BNIP3L: variants seen among roughly 807,000 people sequenced by gnomAD.
BNIP3L encodes BCL2/adenovirus E1B 19 kDa protein-interacting protein 3-like.
BNIP3L carries 10 observed loss-of-function variants against 25.5 expected under a neutral mutation model. The observed-to-expected ratio is 0.39, with a 90% confidence interval of 0.24 to 0.67. The LOEUF is 0.67. Among genes scored for constraint, BNIP3L ranks in the 30% least tolerant of loss-of-function variants. The pLI is 0.45. For synonymous variants in BNIP3L, 113 were observed against 101.2 expected, an observed-to-expected ratio of 1.12 and a Z score of -0.70; for missense variants, 215 against 270.9, an observed-to-expected ratio of 0.79 and a Z score of 1.45.
At position 26,405,250 on chromosome 8, in the gene BNIP3L, C is replaced by CT. The variant is rs1806473947; in HGVS notation, c.358-2749dup. Among the ~76,000 whole-genome samples, 6 of 152,294 alleles carry CT rather than the reference C, an allele frequency of 3.9e-5. No homozygotes were observed. In the South Asian group the frequency reaches 1.2e-3, roughly 32 times the overall value. Reference sequence around the variant, plus strand: ...AGATCTGTGAGGCCAAAGCAGGAAACTAAACAGAAGCGACCTGCAGTGTGT... The same window carrying CT: ...AGATCTGTGAGGCCAAAGCAGGAAACTTAAACAGAAGCGACCTGCAGTGTGT... On this transcript the variant is annotated intron_variant, in intron 3 of 5. Coordinates refer to ENST00000380629, the MANE Select transcript of BNIP3L (RefSeq NM_004331.3).
chr8:26,408,729 G>A (rs1806552364), intron 5 of BNIP3L, among the ~76,000 whole-genome samples: 1 of 152,034 alleles, frequency 6.6e-6, no homozygotes, highest in African/African-American at 2.4e-5. Flanking sequence ...AAAATTAGCT[G>A]GCCATGGTGG....
chr8:26,383,209 C>T lies in BNIP3L; in HGVS notation c.79C>T (p.Pro27Ser), dbSNP rs1403344204. 3 of 1,610,780 alleles carry T rather than the reference C, an allele frequency of 1.9e-6. No homozygotes were observed. The highest frequency in any genetic ancestry group is 2.2e-5 in the East Asian group (1 of 44,832). ...CTGCGAGGAAAATGAGCAGTCTCTGCCCCCGCCGGCCGGCCTCAACAGTGA... is the reference window on the plus strand; with the variant it reads ...CTGCGAGGAAAATGAGCAGTCTCTGTCCCCGCCGGCCGGCCTCAACAGTGA... ...NNCEENEQSLPPPAGLNSSWV... is the reference protein window; with the variant it reads ...NNCEENEQSLSPPAGLNSSWV... The change falls in exon 1 of 6, where the codon CCC becomes TCC. Residue 27 changes from proline to serine, a missense_variant. By Grantham distance (74) the Pro-to-Ser change is moderately conservative (BLOSUM62 -1). Transcript: ENST00000380629.
chr8:26,387,415 G>A (rs1382643048), intron 1 of BNIP3L, among the ~76,000 whole-genome samples: 1 of 152,208 alleles, frequency 6.6e-6, no homozygotes, highest in Non-Finnish European at 1.5e-5. Flanking sequence ...TTTCAAGCTT[G>A]ATCATTAGGA....
intron 3 of BNIP3L, among the ~76,000 whole-genome samples, chr8:26,404,675 T>C (rs1806459814): frequency 6.6e-6 from 1 of 152,254 alleles, no homozygotes; most frequent in Non-Finnish European, 1.5e-5. Context: ...GCCTGGCTAA[T>C]TTTTGTATTT....
At chr8:26,410,278 A>C in intron 5 of BNIP3L, 86 bp from the exon 6 acceptor site, 29 of 1,472,604 alleles carry the variant, frequency 2.0e-5, no homozygotes, top group South Asian at 2.3e-5. Context: ...CAAAGACTGA[A>C]GAGTTTTAAG....
At chr8:26,398,942 A>G (rs1305576045) in intron 3 of BNIP3L, among the ~76,000 whole-genome samples, 1 of 151,344 alleles carries the variant, frequency 6.6e-6, no homozygotes, top group African/African-American at 2.4e-5. Flanking sequence ...ACCAACCAAG[A>G]AGAGTCCAGG....
At chr8:26,395,423 C>G in intron 3 of BNIP3L, 121 bp downstream of exon 3, 1 of 1,094,074 alleles carries the variant, frequency 9.1e-7, no homozygotes, top group East Asian at 2.6e-5. Context: ...TATTGAGTTT[C>G]TGATTTTGGA....
chr8:26,408,252 C>G lies in BNIP3L; in HGVS notation c.487C>G (p.Arg163Gly). 1.9e-6 allele frequency: 3 copies of G among 1,614,058 alleles called. No homozygotes were observed. Among genetic ancestry groups the G allele is most frequent in the Non-Finnish European group, 2.5e-6 (3 of 1,179,976 alleles). ...GGAGTTCCACTTCAGACACCCTAAA[C>G]GTTCTGTGTCTTTAAGCATGAGGAA... ...PKEFHFRHPKRSVSLSMRKSG... is the reference protein window; with the variant it reads ...PKEFHFRHPKGSVSLSMRKSG... Residue 163 changes from arginine to glycine, a missense_variant, in exon 5 of 6, where the codon CGT becomes GGT. Physicochemically the swap from Arg to Gly is moderately radical, Grantham distance 125 (BLOSUM62 -2). This residue lies in a region of BNIP3L where 63 missense variants were observed against 98.8 expected (regional missense o/e 0.64). Transcript: ENST00000380629.
chr8:26,407,928 GTCTAGATTTT>G, intron 3 of BNIP3L, 62 bp from the exon 4 acceptor site: 1 of 1,340,980 alleles, frequency 7.5e-7, no homozygotes, highest in East Asian at 2.4e-5. Context: ...TATCTTTTCT[GTCTAGATTTT>G]TCTTTGTATT....
At chr8:26,408,150 A>ACG in intron 4 of BNIP3L, 47 bp downstream of exon 4, 2 of 1,611,858 alleles carry the variant, frequency 1.2e-6, no homozygotes, top group Non-Finnish European at 1.7e-6. Flanking sequence ...TGATCTGCGC[A>ACG]CGCTTACAGG....
At chr8:26,384,406 T>G (rs1363981108) in intron 1 of BNIP3L, among the ~76,000 whole-genome samples, 1 of 152,202 alleles carries the variant, frequency 6.6e-6, no homozygotes, top group Admixed American at 6.5e-5. Context: ...TTTGATGGGT[T>G]AATTCCCAAA....
chr8:26,395,315 G>T lies in BNIP3L; in HGVS notation c.357+13G>T, dbSNP rs1006489797. 2 of 1,611,200 alleles carry T rather than the reference G, an allele frequency of 1.2e-6. No homozygotes were observed. Among genetic ancestry groups the T allele is most frequent in the East Asian group, 2.2e-5 (1 of 44,838 alleles). On this transcript the variant is annotated intron_variant, in intron 3 of 5. Coordinates refer to ENST00000380629, the MANE Select transcript of BNIP3L (RefSeq NM_004331.3). The stretch of plus-strand genomic sequence containing the variant: ...CCATAGCTCTCAGGTGTGTCGGGGG[G>T]ATTCTGATTTACAGTAAACAATTAA...
intron 5 of BNIP3L, among the ~76,000 whole-genome samples, chr8:26,408,726 G>T (rs1401029974): frequency 6.6e-6 from 1 of 152,022 alleles, no homozygotes; most frequent in African/African-American, 2.4e-5. Flanking sequence ...ACAAAAATTA[G>T]CTGGCCATGG....
rs148820225 is a variant in BNIP3L, at chr8:26,410,297, A to G, written c.612-67A>G. ...GACTGAAGAGTTTTAAGTAGAGTTC[A>G]ACCTGTGGACAAGCTGGTATAGAAC... On this transcript the variant is annotated intron_variant, in intron 5 of 5. Transcript: ENST00000380629. 4.7e-4 allele frequency: 747 copies of G among 1,581,598 alleles called. 9 individuals carry two copies. In the East Asian group the frequency reaches 0.015, roughly 33 times the overall value.
chr8:26,395,126 C>G (rs568730020), intron 2 of BNIP3L, 104 bp from the exon 3 acceptor site: 3 of 1,185,180 alleles, frequency 2.5e-6, no homozygotes, highest in Non-Finnish European at 3.5e-6. Context: ...TTTGCTTTTT[C>G]AAAGCCATAC....
intron 5 of BNIP3L, among the ~76,000 whole-genome samples, chr8:26,408,670 A>C (rs1806551589): frequency 6.6e-6 from 1 of 152,104 alleles, no homozygotes; most frequent in Non-Finnish European, 1.5e-5. Context: ...CCAGGAGTTC[A>C]AGACCAGCCT....
At chr8:26,401,468 A>G (rs1806373112) in intron 3 of BNIP3L, among the ~76,000 whole-genome samples, 1 of 151,492 alleles carries the variant, frequency 6.6e-6, no homozygotes, top group African/African-American at 2.4e-5. Flanking sequence ...CTAATGCTAG[A>G]TGACGAGTTA....
chr8:26,399,706 C>T (rs1371308744), intron 3 of BNIP3L, among the ~76,000 whole-genome samples: 1 of 68,328 alleles, frequency 1.5e-5, no homozygotes, highest in Non-Finnish European at 3.0e-5. Context: ...AGCTGATAAG[C>T]AACTTCAGCA....
At chr8:26,384,888 A>T (rs1585428543) in intron 1 of BNIP3L, among the ~76,000 whole-genome samples, 1 of 151,900 alleles carries the variant, frequency 6.6e-6, no homozygotes, top group East Asian at 1.9e-4. Flanking sequence ...GTAGAGACGA[A>T]GTTTCGCCAT....
Sources: gnomAD v4.1 joint callset for allele counts (sites outside exome capture counted in the v4.1 genomes callset) on GRCh38, gnomAD v4.1.1 for gene constraint, gnomAD v4.1.1 regional missense constraint, MANE v1.5 for transcripts, NCBI Gene and HGNC (gene_info 2026-07-23, HGNC 2026-07-21) for gene names.